NPAS2: variants seen among roughly 807,000 people sequenced by gnomAD.
NPAS2 encodes neuronal PAS domain-containing protein 2.
NPAS2 carries 23 observed loss-of-function variants against 107.5 expected under a neutral mutation model. The ratio of observed to expected loss-of-function variants is 0.21; its 90% confidence interval spans 0.15 to 0.30. The LOEUF (loss-of-function observed/expected upper bound fraction) is 0.30, where lower values mean the gene tolerates loss of function less well. NPAS2 is among the 10% of genes least tolerant of loss of function. The probability of loss-of-function intolerance (pLI) is 1.00; values close to 1 mark genes in which losing one functional copy is unlikely to be tolerated. For missense variants in NPAS2, 756 were observed against 1,043.3 expected (o/e 0.72, Z 3.79); for synonymous variants, 403 against 417.5 (o/e 0.97, Z 0.42).
At chr2:100,855,373 G>A (rs1678491454) in intron 1 of NPAS2, among the ~76,000 whole-genome samples, 1 of 152,182 alleles carries the variant, frequency 6.6e-6, no homozygotes, top group Non-Finnish European at 1.5e-5. Context: ...TCGACCGCGG[G>A]TAGAGCTGGA....
In NPAS2 at chr2:100,853,800, G is replaced by A. The variant is rs184508541; in HGVS notation, c.-23+33386G>A. 2.5e-3 allele frequency among the ~76,000 whole-genome samples: 380 copies of A among 152,184 alleles called. 2 individuals carry two copies. Among genetic ancestry groups the A allele is most frequent in the Middle Eastern group, 0.01 (3 of 294 alleles). ...CCTTCTGGCACACATCTGTTGGCTG[G>A]GTGGAGGTATGAGGGCGCAGATCTG... On this transcript the variant is annotated intron_variant, in intron 1 of 20. Coordinates refer to ENST00000335681, the MANE Select transcript of NPAS2 (RefSeq NM_002518.4).
upstream of NPAS2, among the ~76,000 whole-genome samples, chr2:100,819,659 G>C (rs1438856096): frequency 6.6e-6 from 1 of 152,014 alleles, no homozygotes; most frequent in Non-Finnish European, 1.5e-5. The surrounding 1 kb of genome is among the most constrained non-coding windows in gnomAD (Gnocchi z 5.8). Context: ...GTGGCGGCCC[G>C]CACTGCGAGG....
chr2:100,871,529 C>T (rs1432832960), intron 1 of NPAS2, among the ~76,000 whole-genome samples: 1 of 152,004 alleles, frequency 6.6e-6, no homozygotes, highest in African/African-American at 2.4e-5. Flanking sequence ...CAAGGTTTCT[C>T]CGTGTTGGCC....
intron 1 of NPAS2, among the ~76,000 whole-genome samples, chr2:100,867,869 A>G (rs750848916): frequency 3.9e-5 from 6 of 151,912 alleles, no homozygotes; most frequent in Non-Finnish European, 5.9e-5. Flanking sequence ...TAACTATTTT[A>G]TATTATAGTT....
intron 1 of NPAS2, among the ~76,000 whole-genome samples, chr2:100,843,087 T>C (rs528724042): frequency 2.8e-4 from 42 of 151,938 alleles, no homozygotes; most frequent in African/African-American, 8.9e-4. Context: ...GGTGTGGTGG[T>C]GCATGCCTGT....
intron 2 of NPAS2, among the ~76,000 whole-genome samples, chr2:100,924,477 T>C (rs775856950): frequency 1.3e-5 from 2 of 152,254 alleles, no homozygotes; most frequent in Non-Finnish European, 2.9e-5. Flanking sequence ...ATACAGTGTG[T>C]AGCTTTTTCA....
At chr2:100,882,002 G>A (rs1421847067) in intron 1 of NPAS2, among the ~76,000 whole-genome samples, 2 of 152,244 alleles carry the variant, frequency 1.3e-5, no homozygotes, top group African/African-American at 2.4e-5. Flanking sequence ...GCTGGGGCTG[G>A]GGAGACCCCG....
At chr2:100,913,504 G>T (rs1482194380) in intron 2 of NPAS2, among the ~76,000 whole-genome samples, 1 of 152,192 alleles carries the variant, frequency 6.6e-6, no homozygotes, top group African/African-American at 2.4e-5. Flanking sequence ...TAGTAGCAGG[G>T]AAGCCTGATA....
chr2:100,870,071 A>AT (rs1280908285), intron 1 of NPAS2, among the ~76,000 whole-genome samples: 1 of 151,864 alleles, frequency 6.6e-6, no homozygotes, highest in East Asian at 2.0e-4. Context: ...CGCCAGGCTA[A>AT]TTTTTTGTTT....
chr2:100,929,097 G>T (rs1683772894), intron 3 of NPAS2, among the ~76,000 whole-genome samples: 1 of 152,178 alleles, frequency 6.6e-6, no homozygotes, highest in South Asian at 2.1e-4. Flanking sequence ...TGAAGACGGG[G>T]TTTTGCCACT....
In NPAS2 at chr2:100,901,371, G is replaced by A. The variant is rs150575282; in HGVS notation, c.-22-3362G>A. ...TTGTTACTGTTGATCATGATTTCTT[G>A]TGTGGTCAGTTGCTAGGTGCAGATG... is the stretch of plus-strand genomic sequence containing the variant. On this transcript the variant is annotated intron_variant, in intron 1 of 20. Coordinates refer to ENST00000335681, the MANE Select transcript of NPAS2 (RefSeq NM_002518.4). 86 of 176,296 alleles carry A rather than the reference G, an allele frequency of 4.9e-4. 3 individuals carry two copies. In the East Asian group the frequency reaches 0.014, roughly 30 times the overall value. 10.9% of individuals were successfully genotyped at this position (176,296 alleles called of 1,614,324 possible).
At chr2:100,828,730 C>G (rs962605209) in intron 1 of NPAS2, among the ~76,000 whole-genome samples, 2 of 152,072 alleles carry the variant, frequency 1.3e-5, no homozygotes, top group African/African-American at 4.8e-5. Flanking sequence ...ATTTCTGAGT[C>G]CTCTCTTCTA....
chr2:100,896,695 T>G (rs747752492), intron 1 of NPAS2, among the ~76,000 whole-genome samples: 1 of 152,190 alleles, frequency 6.6e-6, no homozygotes, highest in Non-Finnish European at 1.5e-5. Context: ...TCCCTTCAAA[T>G]GTACTTTGTA....
intron 2 of NPAS2, among the ~76,000 whole-genome samples, chr2:100,919,347 G>C (rs1683080527): frequency 1.3e-5 from 2 of 152,130 alleles, no homozygotes; most frequent in African/African-American, 4.8e-5. Context: ...AAAAAGTCAG[G>C]CTCACTGTGT....
At chr2:100,874,037 G>A (rs956239357) in intron 1 of NPAS2, among the ~76,000 whole-genome samples, 1 of 149,726 alleles carries the variant, frequency 6.7e-6, no homozygotes, top group African/African-American at 2.4e-5. Context: ...CTGGAGTGCA[G>A]TGGCGTGATC....
chr2:100,904,761 G>A lies in NPAS2; in HGVS notation c.7G>A (p.Glu3Lys). 1.6e-5 allele frequency: 26 copies of A among 1,590,036 alleles called. No individual in the cohort carries two copies. Among genetic ancestry groups the A allele is most frequent in the Non-Finnish European group, 2.2e-5 (26 of 1,163,200 alleles). The change falls in exon 2 of 21, where the codon GAA becomes AAA. Residue 3 changes from glutamate to lysine, a missense_variant. This residue lies in a region of NPAS2 where 146 missense variants were observed against 249.6 expected (regional missense o/e 0.58). Transcript: ENST00000335681. The stretch of plus-strand genomic sequence containing the variant: ...AAACTGCATAGAAAATCTAATGGAT[G>A]AAGATGAGAAAGACAGAGCCAAGAG... MD[E>K]DEKDRAKRAS...
chr2:100,882,814 C>T (rs1343818697), intron 1 of NPAS2, among the ~76,000 whole-genome samples: 5 of 152,310 alleles, frequency 3.3e-5, no homozygotes, highest in East Asian at 1.9e-4. Context: ...CACACATGCA[C>T]GCACACACAT....
chr2:100,949,360 G>A lies in NPAS2; in HGVS notation c.485-7G>A. 2 of 1,574,090 alleles carry A rather than the reference G, an allele frequency of 1.3e-6. No homozygotes were observed. Among genetic ancestry groups the A allele is most frequent in the Non-Finnish European group, 1.7e-6 (2 of 1,143,626 alleles). On this transcript the variant is annotated splice_polypyrimidine_tract_variant and splice_region_variant and intron_variant, in intron 6 of 20. Transcript: ENST00000335681. Reference sequence around the variant, plus strand: ...CTTTCTCTCCTCTTCTTCCTTTAACGGCCCAGCTGACAGCGATTTAGAGTT... The same window carrying A: ...CTTTCTCTCCTCTTCTTCCTTTAACAGCCCAGCTGACAGCGATTTAGAGTT...
chr2:100,946,193 A>G (rs1011746873), intron 5 of NPAS2, among the ~76,000 whole-genome samples: 5 of 152,196 alleles, frequency 3.3e-5, no homozygotes, highest in African/African-American at 1.2e-4. Context: ...GAGCTCATGG[A>G]ACCTTCATGG....
Sources: gnomAD v4.1 joint callset for allele counts (sites outside exome capture counted in the v4.1 genomes callset) on GRCh38, gnomAD v4.1.1 for gene constraint, gnomAD v4.1.1 regional missense constraint, Gnocchi (gnomAD v3.1) non-coding constraint, MANE v1.5 for transcripts, NCBI Gene and HGNC (gene_info 2026-07-23, HGNC 2026-07-21) for gene names.